GRIK2: variants seen among roughly 807,000 people sequenced by gnomAD.
GRIK2 encodes the protein glutamate ionotropic receptor kainate type subunit 2.
Under a neutral mutation model 100.3 loss-of-function variants are expected in GRIK2, and 32 were observed. The observed-to-expected ratio is 0.32, with a 90% CI of 0.24 to 0.43. The LOEUF (loss-of-function observed/expected upper bound fraction) is 0.43. Ranked by LOEUF, GRIK2 falls within the 20% of genes least tolerant of loss-of-function variation. GRIK2 has a pLI of 1.00. For missense variants in GRIK2, 843 were observed against 1,114.9 expected (o/e 0.76, Z 3.47); for synonymous variants, 417 against 389.4 (o/e 1.07, Z -0.83).
At chr6:101,457,812 A>C (rs2070180582) in intron 2 of GRIK2, among the ~76,000 whole-genome samples, 1 of 152,020 alleles carries the variant, frequency 6.6e-6, no homozygotes, top group Non-Finnish European at 1.5e-5. Flanking sequence ...TTAAACAGTC[A>C]CTCCCTAGAT....
intron 12 of GRIK2, among the ~76,000 whole-genome samples, chr6:101,907,579 T>A (rs1459630490): frequency 6.6e-6 from 1 of 151,690 alleles, no homozygotes; most frequent in East Asian, 1.9e-4. Context: ...AACTTTACTT[T>A]CACAACTGTA....
At chr6:102,024,298 TTA>T (rs1045100732) in intron 14 of GRIK2, among the ~76,000 whole-genome samples, 1 of 151,134 alleles carries the variant, frequency 6.6e-6, no homozygotes, top group African/African-American at 2.4e-5. Context: ...TACAGAAATT[TTA>T]TGATTTGGCT....
intron 2 of GRIK2, among the ~76,000 whole-genome samples, chr6:101,472,076 C>G (rs972242579): frequency 6.6e-6 from 1 of 151,750 alleles, no homozygotes; most frequent in Admixed American, 6.6e-5. Context: ...GTTATTTAAC[C>G]TGGATTATTC....
intron 2 of GRIK2, among the ~76,000 whole-genome samples, chr6:101,453,127 A>T (rs1005569091): frequency 6.6e-6 from 1 of 151,880 alleles, no homozygotes; most frequent in African/African-American, 2.4e-5. Context: ...TCTCCAATAG[A>T]TAATGTTATT....
At chr6:101,979,527 G>T (rs1261035176) in intron 14 of GRIK2, among the ~76,000 whole-genome samples, 1 of 151,938 alleles carries the variant, frequency 6.6e-6, no homozygotes, top group African/African-American at 2.4e-5. Context: ...TGGAAAACTT[G>T]TGAGTGTTGG....
intron 7 of GRIK2, among the ~76,000 whole-genome samples, chr6:101,696,345 T>A (rs146149631): frequency 1.5e-4 from 23 of 152,022 alleles, no homozygotes; most frequent in African/African-American, 5.1e-4. Context: ...TGTTTTAATA[T>A]AAATATATAC....
At chr6:101,573,684 A>G (rs543691775) in intron 2 of GRIK2, among the ~76,000 whole-genome samples, 1 of 152,190 alleles carries the variant, frequency 6.6e-6, no homozygotes, top group Admixed American at 6.6e-5. Context: ...CATTTTATAT[A>G]CTTATTTTTT....
chr6:101,406,945 G>T (rs571724445), intron 2 of GRIK2, among the ~76,000 whole-genome samples: 1 of 152,130 alleles, frequency 6.6e-6, no homozygotes, highest in East Asian at 1.9e-4. Flanking sequence ...TTAAACTAAA[G>T]TAAGAATTTG....
intron 14 of GRIK2, among the ~76,000 whole-genome samples, chr6:101,944,409 G>A (rs1310454296): frequency 6.6e-6 from 1 of 152,144 alleles, no homozygotes; most frequent in Non-Finnish European, 1.5e-5. Flanking sequence ...ATTATTTAGT[G>A]TATATGTGTA....
At chr6:101,530,567 T>A (rs372388709) in intron 2 of GRIK2, among the ~76,000 whole-genome samples, 1 of 141,122 alleles carries the variant, frequency 7.1e-6, no homozygotes, top group Non-Finnish European at 1.6e-5. Flanking sequence ...AACTAGTTGT[T>A]GGCAGATCCT....
intron 2 of GRIK2, among the ~76,000 whole-genome samples, chr6:101,523,928 G>T (rs1775015446): frequency 6.6e-6 from 1 of 151,872 alleles, no homozygotes; most frequent in South Asian, 2.1e-4. Flanking sequence ...CACCATATTG[G>T]TCGGGCTGGC....
intron 2 of GRIK2, among the ~76,000 whole-genome samples, chr6:101,464,621 A>G (rs1426897413): frequency 1.5e-5 from 2 of 135,020 alleles, no homozygotes; most frequent in Non-Finnish European, 3.1e-5. Flanking sequence ...GGTTCACGCC[A>G]TTCTCCCGCC....
intron 10 of GRIK2, among the ~76,000 whole-genome samples, chr6:101,842,686 G>A (rs559888385): frequency 6.6e-6 from 1 of 152,274 alleles, no homozygotes; most frequent in East Asian, 1.9e-4. Flanking sequence ...AGAACTTTCA[G>A]TAGACAGATG....
At chr6:101,782,804 A>G (rs945459720) in intron 7 of GRIK2, among the ~76,000 whole-genome samples, 1 of 151,238 alleles carries the variant, frequency 6.6e-6, no homozygotes, top group Admixed American at 6.6e-5. Context: ...TAATGGCTGT[A>G]CTAATTTACA....
chr6:101,972,173 A>G (rs1256925135), intron 14 of GRIK2, among the ~76,000 whole-genome samples: 1 of 151,998 alleles, frequency 6.6e-6, no homozygotes, highest in Non-Finnish European at 1.5e-5. Context: ...TAATCTCCAA[A>G]TGGCTTTCCA....
chr6:101,662,909 T>C (rs1297312828), intron 4 of GRIK2, among the ~76,000 whole-genome samples: 3 of 152,160 alleles, frequency 2.0e-5, no homozygotes, highest in Non-Finnish European at 4.4e-5. Flanking sequence ...CTGTCATGTA[T>C]TCCTGATACA....
intron 4 of GRIK2, among the ~76,000 whole-genome samples, chr6:101,660,974 C>T (rs900528975): frequency 2.0e-5 from 3 of 152,160 alleles, no homozygotes; most frequent in African/African-American, 7.2e-5. Context: ...CTTGAGGAGG[C>T]ATTCTGTTCC....
chr6:101,629,327 C>T (rs1230852743), intron 4 of GRIK2, among the ~76,000 whole-genome samples: 1 of 151,994 alleles, frequency 6.6e-6, no homozygotes, highest in African/African-American at 2.4e-5. Context: ...TCTTGAAATC[C>T]TCTGAAGAAT....
intron 14 of GRIK2, among the ~76,000 whole-genome samples, chr6:102,016,545 A>C (rs1350011987): frequency 1.3e-5 from 2 of 151,538 alleles, no homozygotes; most frequent in Admixed American, 6.6e-5. Context: ...TAATACAAAA[A>C]AAATAAATAA....
Sources: allele counts gnomAD v4.1 joint callset (sites outside exome capture counted in the v4.1 genomes callset), GRCh38; gene constraint gnomAD v4.1.1; transcripts MANE v1.5; gene names NCBI Gene and HGNC (gene_info 2026-07-23, HGNC 2026-07-21).